Variants in GPC6 observed in about 807,000 individuals in gnomAD.
GPC6 encodes the protein glypican-6.
GPC6 carries 14 observed loss-of-function variants against 55.2 expected under a neutral mutation model. That is an observed-to-expected ratio of 0.25 (90% CI 0.17 to 0.40). The LOEUF (loss-of-function observed/expected upper bound fraction) is 0.40, where lower values mean the gene tolerates loss of function less well. GPC6 is among the 10% of genes least tolerant of loss of function. The pLI is 1.00. For missense variants in GPC6, 641 were observed against 708.5 expected (o/e 0.90, Z 1.08); for synonymous variants, 278 against 259.6 (o/e 1.07, Z -0.68).
At chr13:94,252,762 G>A (rs1164077936) in intron 4 of GPC6, among the ~76,000 whole-genome samples, 2 of 151,998 alleles carry the variant, frequency 1.3e-5, no homozygotes, top group Non-Finnish European at 2.9e-5. Flanking sequence ...AGGGCTGTAA[G>A]TCCAAAAGCC....
intron 6 of GPC6, among the ~76,000 whole-genome samples, chr13:94,315,389 T>C (rs1037640559): frequency 1.3e-5 from 2 of 152,214 alleles, no homozygotes; most frequent in Admixed American, 6.5e-5. Flanking sequence ...CTACATGTGG[T>C]CATCACCCTT....
chr13:93,936,689 C>T (rs1328074591), intron 3 of GPC6, among the ~76,000 whole-genome samples: 1 of 152,042 alleles, frequency 6.6e-6, no homozygotes, highest in Non-Finnish European at 1.5e-5. Context: ...ATTTACTTAT[C>T]CCAATGCATT....
At chr13:93,264,693 T>G (rs1330906617) in intron 1 of GPC6, among the ~76,000 whole-genome samples, 1 of 152,190 alleles carries the variant, frequency 6.6e-6, no homozygotes, top group Non-Finnish European at 1.5e-5. Context: ...CCACCACACC[T>G]GGCTATCCTG....
intron 2 of GPC6, among the ~76,000 whole-genome samples, chr13:93,746,258 G>A (rs560596257): frequency 3.3e-5 from 5 of 152,304 alleles, no homozygotes; most frequent in African/African-American, 1.2e-4. Context: ...GGCAGGAAGT[G>A]CCAGTACAGA....
chr13:93,700,980 G>T (rs983331394), intron 2 of GPC6, among the ~76,000 whole-genome samples: 4 of 152,050 alleles, frequency 2.6e-5, no homozygotes, highest in Non-Finnish European at 4.4e-5. Flanking sequence ...GTTTTTTGCA[G>T]AGATCAAATG....
chr13:94,383,228 G>A (rs1434821640), intron 7 of GPC6, among the ~76,000 whole-genome samples: 1 of 152,132 alleles, frequency 6.6e-6, no homozygotes, highest in African/African-American at 2.4e-5. Flanking sequence ...GGACTGGTTG[G>A]GAGTTGGCAG....
At chr13:93,762,191 A>G (rs1051872742) in intron 2 of GPC6, among the ~76,000 whole-genome samples, 1 of 152,186 alleles carries the variant, frequency 6.6e-6, no homozygotes, top group African/African-American at 2.4e-5. Flanking sequence ...GTCACAAATG[A>G]CAGAATTTCC....
intron 1 of GPC6, among the ~76,000 whole-genome samples, chr13:93,406,004 G>A (rs1876278379): frequency 6.6e-6 from 1 of 150,572 alleles, no homozygotes; most frequent in East Asian, 1.9e-4. Flanking sequence ...TGCAGTGTTA[G>A]CACAGAAGGT....
intron 2 of GPC6, among the ~76,000 whole-genome samples, chr13:93,688,049 G>T (rs1314202373): frequency 6.6e-6 from 1 of 151,952 alleles, no homozygotes; most frequent in African/African-American, 2.4e-5. Context: ...TTTAAAGAAA[G>T]CTCTTGAGAA....
intron 4 of GPC6, among the ~76,000 whole-genome samples, chr13:94,220,990 TAAG>T (rs1246005032): frequency 6.6e-6 from 1 of 152,112 alleles, no homozygotes; most frequent in Non-Finnish European, 1.5e-5. Context: ...GGCACATTTA[TAAG>T]AAGATCGGTT....
At chr13:94,133,670 G>A (rs1887083529) in intron 4 of GPC6, among the ~76,000 whole-genome samples, 1 of 151,848 alleles carries the variant, frequency 6.6e-6, no homozygotes, top group Admixed American at 6.6e-5. Context: ...GAAGTGGAGA[G>A]GATGAGAAAG....
chr13:93,682,509 A>G (rs1881882174), intron 2 of GPC6, among the ~76,000 whole-genome samples: 1 of 152,146 alleles, frequency 6.6e-6, no homozygotes, highest in Non-Finnish European at 1.5e-5. Context: ...GCCTCCATCC[A>G]GAAGGAAGGG....
At chr13:93,558,006 AT>A (rs1384470348) in intron 2 of GPC6, among the ~76,000 whole-genome samples, 1 of 152,162 alleles carries the variant, frequency 6.6e-6, no homozygotes, top group Non-Finnish European at 1.5e-5. Context: ...CTATGACATT[AT>A]GTCAAGTTTT....
At chr13:94,259,443 G>C (rs970926567) in intron 4 of GPC6, among the ~76,000 whole-genome samples, 1 of 152,194 alleles carries the variant, frequency 6.6e-6, no homozygotes, top group African/African-American at 2.4e-5. Context: ...TCTAGGCTGG[G>C]CTGCTTACAT....
chr13:93,945,915 G>C (rs1412625981), intron 3 of GPC6, among the ~76,000 whole-genome samples: 1 of 152,140 alleles, frequency 6.6e-6, no homozygotes, highest in Non-Finnish European at 1.5e-5. Context: ...AATGATATCA[G>C]TCACTACTGA....
chr13:94,005,341 T>C (rs1241689311), intron 3 of GPC6, among the ~76,000 whole-genome samples: 1 of 152,222 alleles, frequency 6.6e-6, no homozygotes, highest in African/African-American at 2.4e-5. Context: ...CCACTGATAA[T>C]CCTTGTAGAG....
chr13:93,238,498 T>TC (rs1876316836), intron 1 of GPC6, among the ~76,000 whole-genome samples: 1 of 149,980 alleles, frequency 6.7e-6, no homozygotes, highest in South Asian at 2.1e-4. Flanking sequence ...AGGGTTTTTT[T>TC]AGGTATAGGA....
chr13:94,027,635 T>C (rs1270106289), intron 3 of GPC6, 94 bp from the exon 4 acceptor site: 6 of 1,060,376 alleles, frequency 5.7e-6, no homozygotes, highest in Non-Finnish European at 8.8e-6. Context: ...GGGTTAAGAT[T>C]CTGCTTGTGG....
chr13:93,500,891 CATT>C (rs1227590792), intron 1 of GPC6, among the ~76,000 whole-genome samples: 1 of 152,150 alleles, frequency 6.6e-6, no homozygotes, highest in Non-Finnish European at 1.5e-5. Flanking sequence ...ACACTCAAGA[CATT>C]AATCCATGTG....
Sources: gnomAD v4.1 joint callset for allele counts (sites outside exome capture counted in the v4.1 genomes callset) on GRCh38, gnomAD v4.1.1 for gene constraint, MANE v1.5 for transcripts, NCBI Gene and HGNC (gene_info 2026-07-23, HGNC 2026-07-21) for gene names.